Variants in RAPH1 observed in about 807,000 individuals in gnomAD.
RAPH1 encodes the protein Ras association (RalGDS/AF-6) and pleckstrin homology domains 1, also known as ras-associated and pleckstrin homology domains-containing protein 1.
Under a neutral mutation model 88.1 loss-of-function variants are expected in RAPH1, and 18 were observed. That is an observed-to-expected ratio of 0.20 (90% CI 0.14 to 0.30). The LOEUF is 0.30. RAPH1 is among the 10% of genes least tolerant of loss of function. RAPH1 has a pLI of 1.00. For synonymous variants in RAPH1, 587 were observed against 559.0 expected (o/e 1.05, Z -0.71); for missense variants, 1,448 against 1,543.2 (o/e 0.94, Z 1.03).
rs1250595329 is a variant in RAPH1, at chr2:203,455,538, C to T, written c.1201G>A (p.Gly401Arg). The T allele has an allele frequency of 1.2e-6, 2 of 1,613,134 alleles. No individual in the cohort carries two copies. Among genetic ancestry groups the T allele is most frequent in the African/African-American group, 1.3e-5 (1 of 74,904 alleles). ...GSSVTVPEIE[G>R]VLWLKDDGKK... ...CCATCATCCTTCAACCAAAGGACTC[C>T]TTCAATTTCTGGTACAGTTACAGAA... Residue 401 changes from glycine to arginine, a missense_variant, in exon 9 of 14, where the codon GGA (glycine) becomes AGA (arginine). This residue lies in a region of RAPH1 where 513 missense variants were observed against 653.1 expected (regional missense o/e 0.79). Transcript: ENST00000319170.
intron 1 of RAPH1, among the ~76,000 whole-genome samples, chr2:203,519,424 GA>G (rs1283139473): frequency 6.6e-6 from 1 of 151,978 alleles, no homozygotes; most frequent in Non-Finnish European, 1.5e-5. Context: ...AATAGATGTA[GA>G]AAAAGCATTT....
chr2:203,470,084 G>T (rs2098531729), intron 4 of RAPH1, among the ~76,000 whole-genome samples: 1 of 152,102 alleles, frequency 6.6e-6, no homozygotes, highest in South Asian at 2.1e-4. Context: ...CAGTCATTAA[G>T]ATCAGTAAAT....
At chr2:203,512,119 A>C (rs1029895566) in intron 1 of RAPH1, among the ~76,000 whole-genome samples, 1 of 151,960 alleles carries the variant, frequency 6.6e-6, no homozygotes, top group Admixed American at 6.6e-5. Flanking sequence ...TCCAAAAAAA[A>C]CAAAAAAGAA....
rs1439219423 is a variant in RAPH1 at position 203,436,851 on chromosome 2, C to G, written c.*2586G>C. 6.6e-6 allele frequency: 1 copy of G among 152,142 alleles called. No individual in the cohort carries two copies. Among genetic ancestry groups the G allele is most frequent in the Non-Finnish European group, 1.5e-5 (1 of 68,020 alleles). The allele number at this position is 152,142 out of a possible 1,614,324, so 9.4% of individuals were successfully genotyped here. ...GAAAAGCTACATCCCAACAAAAATC[C>G]AAATTAAAGAAAACCCACTAGGGAG... On this transcript the variant is annotated 3_prime_UTR_variant, in exon 14 of 14. Coordinates refer to ENST00000319170, the MANE Select transcript of RAPH1 (RefSeq NM_213589.3).
chr2:203,448,602 T>TG lies in RAPH1; in HGVS notation c.1512+135dup, dbSNP rs2098512034. 1.9e-6 allele frequency: 1 copy of TG among 518,644 alleles called. No individual in the cohort carries two copies. The highest frequency in any genetic ancestry group is 3.4e-6 in the Non-Finnish European group (1 of 297,668). 32.1% of individuals were successfully genotyped at this position (518,644 alleles called of 1,614,324 possible). A position where few individuals can be genotyped will look rare whatever the true frequency, so the allele number is the denominator to read the frequency against. The stretch of plus-strand genomic sequence containing the variant: ...AGGAAAAAAGACAACATTTAAAACT[T>TG]GAAACTTAGGCCTGAAAAACGTAGG... On this transcript the variant is annotated intron_variant, in intron 11 of 13. Transcript: ENST00000319170. This position sits in a 1 kb window ranked among gnomAD's most constrained non-coding sequence, Gnocchi z 4.1.
intron 4 of RAPH1, among the ~76,000 whole-genome samples, chr2:203,479,016 T>C (rs919272210): frequency 6.6e-6 from 1 of 152,204 alleles, no homozygotes; most frequent in Admixed American, 6.5e-5. Flanking sequence ...CCAATAACCC[T>C]GTTCTTAGGA....
At chr2:203,519,163 C>G (rs1421117740) in intron 1 of RAPH1, among the ~76,000 whole-genome samples, 2 of 151,776 alleles carry the variant, frequency 1.3e-5, no homozygotes, top group Non-Finnish European at 2.9e-5. Flanking sequence ...CAGCATAATC[C>G]TAATACCAAA....
rs143528081 is a variant in RAPH1 at position 203,510,048 on chromosome 2, C to T, written c.1-14695G>A. 6.2e-3 allele frequency among the ~76,000 whole-genome samples: 947 copies of T among 152,176 alleles called. 16 individuals carry two copies. The highest frequency in any genetic ancestry group is 0.021 in the African/African-American group (886 of 41,510). ...CTTTTACTTATAAATTATACAGTCT[C>T]AGGTATTTCTTTATAGTAATATGAG... On this transcript the variant is annotated intron_variant, in intron 1 of 13. Transcript: ENST00000319170.
intron 1 of RAPH1, among the ~76,000 whole-genome samples, chr2:203,506,094 C>A (rs568675552): frequency 6.2e-4 from 95 of 152,276 alleles, no homozygotes; most frequent in African/African-American, 2.2e-3. Flanking sequence ...GATGGCCAAA[C>A]GCACTGGCAA....
chr2:203,462,865 ATTTC>A (rs2098525260), intron 4 of RAPH1, among the ~76,000 whole-genome samples: 2 of 152,074 alleles, frequency 1.3e-5, no homozygotes, highest in African/African-American at 4.8e-5. Context: ...ATTATTTTCT[ATTTC>A]TAGGCTTTTG....
chr2:203,473,504 T>G (rs1362121675), intron 4 of RAPH1, among the ~76,000 whole-genome samples: 2 of 152,116 alleles, frequency 1.3e-5, no homozygotes, highest in Non-Finnish European at 2.9e-5. Flanking sequence ...CAGTGAAACA[T>G]TTTAAACTGC....
At chr2:203,453,438 T>C (rs2098516428) in intron 10 of RAPH1, among the ~76,000 whole-genome samples, 1 of 149,142 alleles carries the variant, frequency 6.7e-6, no homozygotes. Flanking sequence ...CCCAGCTACT[T>C]GGGAGACTGA....
chr2:203,506,850 C>CTAGATATA (rs2105905845), intron 1 of RAPH1, among the ~76,000 whole-genome samples: 2 of 75,480 alleles, frequency 2.6e-5, no homozygotes, highest in South Asian at 6.7e-4. Flanking sequence ...ATATATCTAT[C>CTAGATATA]TATATCTATA....
At chr2:203,503,192 T>G (rs1688816952) in intron 1 of RAPH1, among the ~76,000 whole-genome samples, 1 of 152,160 alleles carries the variant, frequency 6.6e-6, no homozygotes, top group Non-Finnish European at 1.5e-5. Flanking sequence ...GAACCAATTT[T>G]AATGAGAATA....
chr2:203,491,570 A>G (rs77137125), intron 2 of RAPH1, among the ~76,000 whole-genome samples: 4,448 of 152,180 alleles, frequency 0.029, 88 homozygotes, highest in Non-Finnish European at 0.046. Context: ...ACCCAGGCTT[A>G]AGTGCCGTGC....
intron 6 of RAPH1, 93 bp downstream of exon 6, chr2:203,461,156 T>C: frequency 1.9e-6 from 1 of 534,212 alleles, no homozygotes; most frequent in East Asian, 3.9e-5. Context: ...CATATATATA[T>C]ATATAAAGAT....
intron 1 of RAPH1, among the ~76,000 whole-genome samples, chr2:203,505,392 T>C (rs1402464363): frequency 1.3e-5 from 2 of 151,994 alleles, no homozygotes; most frequent in African/African-American, 4.8e-5. Context: ...TGAGACTTAT[T>C]CACTATCACA....
At position 203,513,109 on chromosome 2, in the gene RAPH1, G is replaced by C. The variant is rs139868821; in HGVS notation, c.1-17756C>G. Among the ~76,000 whole-genome samples, 126 of 152,094 alleles carry C rather than the reference G, an allele frequency of 8.3e-4. No individual in the cohort carries two copies. The East Asian group carries it at 0.018, about 22-fold the overall frequency. ...TATCTAGGACTAAACAAGGAATCAG[G>C]AGACTTGAAATTCTTGTCTTAATTC... is the stretch of plus-strand genomic sequence containing the variant. On this transcript the variant is annotated intron_variant, in intron 1 of 13. Coordinates refer to ENST00000319170, the MANE Select transcript of RAPH1 (RefSeq NM_213589.3).
chr2:203,466,687 T>C (rs1355380569), intron 4 of RAPH1, among the ~76,000 whole-genome samples: 2 of 152,172 alleles, frequency 1.3e-5, no homozygotes, highest in African/African-American at 2.4e-5. Context: ...ACCTCACATA[T>C]GTAAAAACTT....
Sources: gnomAD v4.1 joint callset for allele counts (sites outside exome capture counted in the v4.1 genomes callset) on GRCh38, gnomAD v4.1.1 for gene constraint, gnomAD v4.1.1 regional missense constraint, Gnocchi (gnomAD v3.1) non-coding constraint, MANE v1.5 for transcripts, NCBI Gene and HGNC (gene_info 2026-07-23, HGNC 2026-07-21) for gene names.